Variants in HOOK2 observed in about 807,000 individuals in gnomAD.
HOOK2 encodes protein Hook homolog 2.
Under a neutral mutation model 111.9 loss-of-function variants are expected in HOOK2, and 108 were observed. That is an observed-to-expected ratio of 0.96 (90% CI 0.83 to 1.13). HOOK2 has a LOEUF of 1.13. HOOK2 is among the 50% of genes most tolerant of loss of function. The probability of loss-of-function intolerance (pLI) is 0.00; values close to 1 mark genes in which losing one functional copy is unlikely to be tolerated. For synonymous variants in HOOK2, 405 were observed against 394.3 expected, an observed-to-expected ratio of 1.03 and a Z score of -0.32; for missense variants, 978 against 951.3, an observed-to-expected ratio of 1.03 and a Z score of -0.37.
At position 12,767,930 on chromosome 19, in the gene HOOK2, C is replaced by T. The variant is rs368847658; in HGVS notation, c.1216-27G>A. The T allele has an allele frequency of 2.5e-6, 4 of 1,611,172 alleles. No homozygotes were observed. In the African/African-American group the frequency reaches 4.0e-5, roughly 16 times the overall value. On this transcript the variant is annotated intron_variant, in intron 12 of 22. Transcript: ENST00000397668. ...TGCAGGGACAGGGTACAAGACACTC[C>T]ACGGGTCAGGCTCGGCCTCCTGGGA...
In HOOK2 at chr19:12,765,850, G is replaced by T. The variant is rs751301437; in HGVS notation, c.1600-16C>A. The T allele has an allele frequency of 1.2e-6, 2 of 1,610,612 alleles. No individual in the cohort carries two copies. The highest frequency in any genetic ancestry group is 3.3e-5 in the Admixed American group (2 of 59,942). On this transcript the variant is annotated splice_polypyrimidine_tract_variant and intron_variant, in intron 16 of 22. Transcript: ENST00000397668. Reference sequence around the variant, plus strand: ...TTACAATGGCCTGTATGGGGCATCGGGCAGCATGGGAGAGAGAGGAGGGTT... The same window carrying T: ...TTACAATGGCCTGTATGGGGCATCGTGCAGCATGGGAGAGAGAGGAGGGTT...
chr19:12,792,249 GGC>G, intron 3 of HOOK2: 1 of 1,505,662 alleles, frequency 6.6e-7, no homozygotes, highest in Non-Finnish European at 8.9e-7. Flanking sequence ...CGTGTCCCTG[GGC>G]GCTACCGGGG....
Position 12,790,803 on chromosome 19 carries a change from TCC to T in HOOK2, n.42-16580_42-16579del, listed in dbSNP as rs1968705018. On this transcript the variant is annotated intron_variant and non_coding_transcript_variant, in intron 3 of 3. Transcript: ENST00000589765. This position sits in a 1 kb window ranked among gnomAD's most constrained non-coding sequence, Gnocchi z 7.2. ...GCATATCTAGACTTCCCCTAATGCC[TCC>T]TTCCCGCTTACGGGAGAGCCTCAGA... Among the ~76,000 whole-genome samples, 1 of 152,172 alleles carries T rather than the reference TCC, an allele frequency of 6.6e-6. No individual in the cohort carries two copies. The highest frequency in any genetic ancestry group is 2.1e-4 in the South Asian group (1 of 4,828).
chr19:12,767,836 G>C lies in HOOK2; in HGVS notation c.1283C>G (p.Pro428Arg), dbSNP rs750079184. 1.9e-6 allele frequency: 3 copies of C among 1,604,014 alleles called. No homozygotes were observed. Among genetic ancestry groups the C allele is most frequent in the Non-Finnish European group, 2.5e-6 (3 of 1,179,890 alleles). Reference protein sequence around the residue: ...NEELRCAQLQPRGLTQADPSL... With the variant: ...NEELRCAQLQRRGLTQADPSL... ...CTCACCGGCCTGGGTCAACCCCCGC[G>C]GCTGCAGCTGGGCGCAGCGCAGCTC... is the stretch of plus-strand genomic sequence containing the variant. Residue 428 changes from proline to arginine, a missense_variant, in exon 13 of 23, where the codon CCG (proline) becomes CGG (arginine). Physicochemically the swap from Pro to Arg is moderately radical, Grantham distance 103 (BLOSUM62 -2). Transcript: ENST00000397668.
Position 12,764,913 on chromosome 19 carries a change from GGCT to G in HOOK2, c.1725_1727del (p.Ala576del). The stretch of plus-strand genomic sequence containing the variant: ...TATGCTGCAGCTCCTCGATCCGCCG[GGCT>G]GCTGGCGGAAGAGGTGGCCCATCAG... On this transcript the variant is annotated inframe_deletion and splice_region_variant, in exon 20 of 23. Coordinates refer to ENST00000397668, the MANE Select transcript of HOOK2 (RefSeq NM_013312.3). 1 of 1,614,042 alleles carries G rather than the reference GGCT, an allele frequency of 6.2e-7. No individual in the cohort carries two copies. The highest frequency in any genetic ancestry group is 1.3e-5 in the African/African-American group (1 of 74,922).
At chr19:12,773,233 T>A in intron 3 of HOOK2, 189 bp from the exon 4 acceptor site, 18 of 117,344 alleles carry the variant, frequency 1.5e-4, no homozygotes, top group Non-Finnish European at 2.1e-4. Flanking sequence ...CTTTGTTTCT[T>A]TTTTTTTTTT....
chr19:12,764,939 C>T (rs1968104292), intron 19 of HOOK2, 22 bp from the exon 20 acceptor site: 1 of 1,613,746 alleles, frequency 6.2e-7, no homozygotes, highest in African/African-American at 1.3e-5. Context: ...GGTGGCCCAT[C>T]AGCTCCACGC....
chr19:12,784,117 G>C (rs1395921570), intron 3 of HOOK2, among the ~76,000 whole-genome samples: 1 of 152,182 alleles, frequency 6.6e-6, no homozygotes, highest in Non-Finnish European at 1.5e-5. Context: ...GGAACATCCT[G>C]TGGACTGCTG....
At chr19:12,789,799 C>A (rs1968689017) in intron 3 of HOOK2, among the ~76,000 whole-genome samples, 1 of 151,474 alleles carries the variant, frequency 6.6e-6, no homozygotes, top group Admixed American at 6.6e-5. Context: ...CCGGGCCAGG[C>A]GGCCGTGGGG....
chr19:12,775,873 C>CTTTTTTTTTTA (rs1968493055), upstream of HOOK2, among the ~76,000 whole-genome samples: 1 of 103,848 alleles, frequency 9.6e-6, no homozygotes, highest in African/African-American at 4.8e-5. Context: ...TAAGTAAATT[C>CTTTTTTTTTTA]TTTTTTTTTT....
rs1036805869 is a variant in HOOK2 at position 12,775,306 on chromosome 19, TCC to T, written c.45+97_45+98del. The T allele has an allele frequency of 2.8e-5, 43 of 1,523,440 alleles. No individual in the cohort carries two copies. In the Middle Eastern group the frequency reaches 5.2e-4, roughly 19 times the overall value. 94.4% of individuals were successfully genotyped at this position (1,523,440 alleles called of 1,614,324 possible). ...TCCAGCAAGTCGACGACCCCGCACC[TCC>T]CAGCCCCAGCACCAAGAGACTGACC... is the stretch of plus-strand genomic sequence containing the variant. On this transcript the variant is annotated intron_variant, in intron 1 of 22. Coordinates refer to ENST00000397668, the MANE Select transcript of HOOK2 (RefSeq NM_013312.3).
rs1177872311 is a variant in HOOK2 at position 12,786,577 on chromosome 19, G to C, written n.42-12352C>G. On this transcript the variant is annotated intron_variant and non_coding_transcript_variant, in intron 3 of 3. Transcript: ENST00000589765. The surrounding 1 kb of genome is among the most constrained non-coding windows in gnomAD (Gnocchi z 4.3). Reference sequence around the variant, plus strand: ...TGGGCAGTACCCAGCTGCCAGTCTGGACGCTCAGGCCAGTTGGGGGAGGGG... The same window carrying C: ...TGGGCAGTACCCAGCTGCCAGTCTGCACGCTCAGGCCAGTTGGGGGAGGGG... 2.0e-5 allele frequency among the ~76,000 whole-genome samples: 3 copies of C among 152,114 alleles called. No individual in the cohort carries two copies. Among genetic ancestry groups the C allele is most frequent in the African/African-American group, 7.2e-5 (3 of 41,436 alleles).
At chr19:12,787,037 G>A (rs1009174435) in intron 3 of HOOK2, 9 of 152,470 alleles carry the variant, frequency 5.9e-5, no homozygotes, top group Admixed American at 2.0e-4. Context: ...AGCAGTTGTG[G>A]TGTGCTTGTA....
In HOOK2 at chr19:12,773,800, G is replaced by A. The variant is rs567930452; in HGVS notation, c.205-756C>T. Among the ~76,000 whole-genome samples the A allele has an allele frequency of 1.8e-4, 27 of 152,298 alleles. No homozygotes were observed. In the East Asian group the frequency reaches 5.2e-3, roughly 29 times the overall value. ...TGACTTTCCACAGCACTTAAAAATAGAATCCACACCCCCACCATGGCCTGC... is the reference window on the plus strand; with the variant it reads ...TGACTTTCCACAGCACTTAAAAATAAAATCCACACCCCCACCATGGCCTGC... On this transcript the variant is annotated intron_variant, in intron 3 of 22. Transcript: ENST00000397668.
chr19:12,773,157 G>C lies in HOOK2; in HGVS notation c.205-113C>G. 3.9e-6 allele frequency: 4 copies of C among 1,018,226 alleles called. No homozygotes were observed. In the South Asian group the frequency reaches 5.3e-5, roughly 13 times the overall value. The allele number at this position is 1,018,226 out of a possible 1,614,324, so 63.1% of individuals were successfully genotyped here. On this transcript the variant is annotated intron_variant, in intron 3 of 22. Coordinates refer to ENST00000397668, the MANE Select transcript of HOOK2 (RefSeq NM_013312.3). ...TTCCCTGCTCATCTCATCCTATTCT[G>C]TCTGCGTGCGCCTTCCTCTAGGGGT...
chr19:12,771,880 TCA>T, intron 7 of HOOK2: 1 of 203,816 alleles, frequency 4.9e-6, no homozygotes, highest in Non-Finnish European at 8.5e-6. Context: ...AGACTCCATC[TCA>T]AAAAAAAAAA....
chr19:12,769,034 C>T (rs1242874676), intron 11 of HOOK2, among the ~76,000 whole-genome samples: 5 of 149,138 alleles, frequency 3.4e-5, no homozygotes, highest in Middle Eastern at 3.5e-3. Flanking sequence ...AGCACGATCT[C>T]GGCTCACTGC....
chr19:12,774,426 T>G (rs963914828), intron 3 of HOOK2: 1 of 589,664 alleles, frequency 1.7e-6, no homozygotes, highest in Non-Finnish European at 3.0e-6. Flanking sequence ...TTTTTATGGT[T>G]GTGTATGTGT....
Position 12,766,190 on chromosome 19 carries a change from TCCTG to T in HOOK2, c.1420_1423del (p.Gln474ArgfsTer31). On this transcript the variant is annotated frameshift_variant, in exon 15 of 23. Transcript: ENST00000397668. LOFTEE classifies it high-confidence loss of function. ...CTCCTGCCGCTCCCGGTCGGCCGCC[TCCTG>T]CCTGCACAGCCGCTTGTTCTCCAGC... is the stretch of plus-strand genomic sequence containing the variant. 6.3e-7 allele frequency: 1 copy of T among 1,596,602 alleles called. No individual in the cohort carries two copies. Among genetic ancestry groups the T allele is most frequent in the Non-Finnish European group, 8.5e-7 (1 of 1,178,226 alleles).
Sources: allele counts gnomAD v4.1 joint callset (sites outside exome capture counted in the v4.1 genomes callset), GRCh38; gene constraint gnomAD v4.1.1; non-coding constraint Gnocchi (gnomAD v3.1); transcripts MANE v1.5; gene names NCBI Gene and HGNC (gene_info 2026-07-23, HGNC 2026-07-21).